The following COP1 variants were observed in gnomAD, a reference collection of about 807,000 sequenced individuals.
COP1 encodes the protein COP1 E3 ubiquitin ligase, also known as E3 ubiquitin-protein ligase COP1.
Under a neutral mutation model 101.3 loss-of-function variants are expected in COP1, and 24 were observed. That is an observed-to-expected ratio of 0.24 (90% CI 0.17 to 0.33). The LOEUF (loss-of-function observed/expected upper bound fraction) is 0.33, where lower values mean the gene tolerates loss of function less well. Ranked by LOEUF, COP1 falls within the 10% of genes least tolerant of loss-of-function variation. COP1 has a pLI of 1.00. For missense variants in COP1, 663 were observed against 906.2 expected (o/e 0.73, Z 3.45); for synonymous variants, 347 against 341.9 (o/e 1.01, Z -0.17).
At chr1:176,121,976 T>G (rs1203702951) in intron 8 of COP1, among the ~76,000 whole-genome samples, 1 of 151,744 alleles carries the variant, frequency 6.6e-6, no homozygotes, top group African/African-American at 2.4e-5. Context: ...CCGTCTCTAC[T>G]AAAAATACAA....
At chr1:176,139,197 G>C (rs1304112437) in intron 6 of COP1, among the ~76,000 whole-genome samples, 1 of 147,118 alleles carries the variant, frequency 6.8e-6, no homozygotes, top group Non-Finnish European at 1.5e-5. Context: ...CTAATCATCA[G>C]ATAAATGTTA....
At position 176,161,123 on chromosome 1, in the gene COP1, G is replaced by C. The variant is rs185754487; in HGVS notation, c.762+1746C>G. On this transcript the variant is annotated intron_variant, in intron 5 of 19. Transcript: ENST00000367669. Reference sequence around the variant, plus strand: ...GCTGGTGTAGCATTCAGTTTCCTCAGATCTACTTATCTGTTACCTTTTGTC... The same window carrying C: ...GCTGGTGTAGCATTCAGTTTCCTCACATCTACTTATCTGTTACCTTTTGTC... 7.2e-5 allele frequency among the ~76,000 whole-genome samples: 11 copies of C among 152,204 alleles called. No individual in the cohort carries two copies. The South Asian group carries it at 8.3e-4, about 11-fold the overall frequency.
At chr1:176,206,505 C>T in intron 1 of COP1, 67 bp downstream of exon 1, 2 of 1,570,574 alleles carry the variant, frequency 1.3e-6, no homozygotes, top group Non-Finnish European at 1.7e-6. Flanking sequence ...CCAGACCCCC[C>T]GCCCCCAAGC....
intron 15 of COP1, among the ~76,000 whole-genome samples, chr1:175,992,476 G>A (rs966296627): frequency 6.6e-6 from 1 of 152,218 alleles, no homozygotes; most frequent in Non-Finnish European, 1.5e-5. Flanking sequence ...AGGGGTCAGG[G>A]AGTTCCCTTT....
At chr1:175,987,552 T>C (rs1300579208) in intron 17 of COP1, among the ~76,000 whole-genome samples, 18 of 152,188 alleles carry the variant, frequency 1.2e-4, no homozygotes, top group Non-Finnish European at 2.4e-4. Flanking sequence ...CAGATTTTCA[T>C]AGCCTACATA....
chr1:176,051,841 T>A (rs1053208511), intron 11 of COP1, among the ~76,000 whole-genome samples: 10 of 152,010 alleles, frequency 6.6e-5, no homozygotes, highest in Non-Finnish European at 1.5e-4. Context: ...GAAAAGGGTA[T>A]GAAGAAAGGA....
intron 14 of COP1, among the ~76,000 whole-genome samples, chr1:176,040,055 A>C (rs971950974): frequency 2.6e-5 from 4 of 152,216 alleles, no homozygotes; most frequent in African/African-American, 9.6e-5. Context: ...TGGATATGAC[A>C]CCAAAGGCAC....
At chr1:176,084,311 T>C (rs1405302459) in intron 10 of COP1, among the ~76,000 whole-genome samples, 4 of 152,014 alleles carry the variant, frequency 2.6e-5, no homozygotes, top group Non-Finnish European at 5.9e-5. Flanking sequence ...TAGAAAATAA[T>C]TACCAAATAG....
At chr1:176,045,928 T>C (rs533597106) in intron 12 of COP1, among the ~76,000 whole-genome samples, 4 of 151,610 alleles carry the variant, frequency 2.6e-5, no homozygotes, top group Non-Finnish European at 5.9e-5. Context: ...CAAAGACCTT[T>C]ATTTGATTAA....
chr1:176,120,019 C>T (rs976087062), intron 8 of COP1, among the ~76,000 whole-genome samples: 1 of 152,086 alleles, frequency 6.6e-6, no homozygotes, highest in Non-Finnish European at 1.5e-5. Context: ...ACCTAGGCAC[C>T]TTATGTTCTC....
At chr1:175,994,181 G>T (rs566810557) in intron 15 of COP1, among the ~76,000 whole-genome samples, 1 of 152,136 alleles carries the variant, frequency 6.6e-6, no homozygotes, top group Admixed American at 6.5e-5. Flanking sequence ...ATACTTTACA[G>T]ACAAACAAAT....
At chr1:176,128,085 T>C (rs1028090364) in intron 8 of COP1, among the ~76,000 whole-genome samples, 1 of 152,122 alleles carries the variant, frequency 6.6e-6, no homozygotes, top group South Asian at 2.1e-4. Flanking sequence ...GGGTGTTTCA[T>C]TGAGTATTTG....
chr1:176,004,474 T>C (rs1662573119), intron 15 of COP1, among the ~76,000 whole-genome samples: 1 of 134,106 alleles, frequency 7.5e-6, no homozygotes, highest in African/African-American at 2.6e-5. Context: ...TTCAGTATGA[T>C]AATGGCTGTG....
intron 15 of COP1, among the ~76,000 whole-genome samples, chr1:176,025,471 AAACCTAAAAAAAG>A (rs1667506020): frequency 6.6e-6 from 1 of 151,744 alleles, no homozygotes; most frequent in African/African-American, 2.4e-5. Context: ...AAAAAAAAAA[AAACCTAAAAAAAG>A]AGTGGACAAT....
At chr1:175,954,843 G>A (rs1015849870) in intron 18 of COP1, among the ~76,000 whole-genome samples, 20 of 152,002 alleles carry the variant, frequency 1.3e-4, no homozygotes, top group Non-Finnish European at 2.9e-5. Flanking sequence ...TACAAGTAAA[G>A]ATAATTCAGT....
At chr1:176,150,669 A>T (rs1692277150) in intron 5 of COP1, among the ~76,000 whole-genome samples, 1 of 152,246 alleles carries the variant, frequency 6.6e-6, no homozygotes, top group African/African-American at 2.4e-5. Flanking sequence ...GTGACAGTTC[A>T]TTTACAAAGG....
intron 11 of COP1, among the ~76,000 whole-genome samples, chr1:176,069,015 T>TG (rs1676506743): frequency 6.6e-6 from 1 of 152,032 alleles, no homozygotes; most frequent in African/African-American, 2.4e-5. Flanking sequence ...GGTGAGATCC[T>TG]GTCTCCACAA....
At chr1:176,142,024 C>T (rs889502739) in intron 6 of COP1, among the ~76,000 whole-genome samples, 1 of 152,022 alleles carries the variant, frequency 6.6e-6, no homozygotes, top group Non-Finnish European at 1.5e-5. Flanking sequence ...AGCCACTGTG[C>T]CCAGCCAACA....
At chr1:175,992,099 A>AT (rs1195619056) in intron 15 of COP1, among the ~76,000 whole-genome samples, 4 of 152,218 alleles carry the variant, frequency 2.6e-5, no homozygotes, top group Non-Finnish European at 5.9e-5. Context: ...TTTGAGTATT[A>AT]TAGTTGGTAT....
Sources: allele counts gnomAD v4.1 joint callset (sites outside exome capture counted in the v4.1 genomes callset), GRCh38; gene constraint gnomAD v4.1.1; transcripts MANE v1.5; gene names NCBI Gene and HGNC (gene_info 2026-07-23, HGNC 2026-07-21).